The following KCNH1 variants were observed in gnomAD, a reference collection of about 807,000 sequenced individuals.
KCNH1 encodes the protein voltage-gated delayed rectifier potassium channel KCNH1.
In KCNH1, 27 loss-of-function variants were observed where a neutral mutation model predicts 69.2. That is an observed-to-expected ratio of 0.39 (90% CI 0.29 to 0.54). KCNH1 has a LOEUF of 0.54. KCNH1 is among the 20% of genes least tolerant of loss of function. KCNH1 has a pLI of 0.68. For missense variants in KCNH1, 798 were observed against 1,261.6 expected (o/e 0.63, Z 5.57); for synonymous variants, 456 against 487.7 (o/e 0.93, Z 0.86).
intron 10 of KCNH1, among the ~76,000 whole-genome samples, chr1:210,723,718 A>T (rs1682527059): frequency 6.6e-6 from 1 of 152,166 alleles, no homozygotes. Flanking sequence ...AAACATACCA[A>T]AAAACCCCAA....
intron 1 of KCNH1, among the ~76,000 whole-genome samples, chr1:211,107,698 C>T (rs1485463999): frequency 6.6e-6 from 1 of 152,134 alleles, no homozygotes; most frequent in East Asian, 1.9e-4. Context: ...AATTTTTCAT[C>T]CCAGTGAAGG....
At chr1:210,790,896 C>G (rs1173614694) in intron 9 of KCNH1, among the ~76,000 whole-genome samples, 2 of 152,216 alleles carry the variant, frequency 1.3e-5, no homozygotes, top group African/African-American at 4.8e-5. Flanking sequence ...CATAGACTAG[C>G]CCTGATACGC....
At chr1:210,909,653 C>T (rs1485408984) in intron 7 of KCNH1, among the ~76,000 whole-genome samples, 2 of 152,210 alleles carry the variant, frequency 1.3e-5, no homozygotes, top group Non-Finnish European at 2.9e-5. Context: ...ACTGTCTATG[C>T]TATACAATTT....
At chr1:210,862,370 C>T (rs975370516) in intron 7 of KCNH1, 20 of 638,252 alleles carry the variant, frequency 3.1e-5, no homozygotes, top group Middle Eastern at 2.6e-4. Flanking sequence ...CCTGCCGCAG[C>T]GGCAACTGGC....
At chr1:210,951,175 C>A (rs1688056401) in intron 6 of KCNH1, among the ~76,000 whole-genome samples, 1 of 152,166 alleles carries the variant, frequency 6.6e-6, no homozygotes, top group South Asian at 2.1e-4. Flanking sequence ...GGTGGACATG[C>A]TCTGTCCACA....
At chr1:210,738,552 C>CTTTTTTTTTTTTTTTTTTTTTTTTTTTTT (rs57669878) in intron 10 of KCNH1, among the ~76,000 whole-genome samples, 2 of 49,152 alleles carry the variant, frequency 4.1e-5, no homozygotes, top group African/African-American at 6.7e-5. Context: ...GGCTTTTTTG[C>CTTTTTTTTTTTTTTTTTTTTTTTTTTTTT]TTTTTTTTTT....
intron 4 of KCNH1, among the ~76,000 whole-genome samples, chr1:211,088,407 A>G (rs1318416426): frequency 6.6e-6 from 1 of 152,186 alleles, no homozygotes; most frequent in Non-Finnish European, 1.5e-5. Flanking sequence ...ACTTTCTAGG[A>G]TCTAGATTTG....
chr1:210,716,893 A>C (rs1682269518), intron 10 of KCNH1, among the ~76,000 whole-genome samples: 1 of 152,222 alleles, frequency 6.6e-6, no homozygotes, highest in South Asian at 2.1e-4. Context: ...TTCTAGCCCA[A>C]TGTTAGCAAC....
chr1:211,031,652 A>G (rs941328128), intron 5 of KCNH1, among the ~76,000 whole-genome samples: 1 of 152,230 alleles, frequency 6.6e-6, no homozygotes, highest in Non-Finnish European at 1.5e-5. Flanking sequence ...AGAACCAACG[A>G]CAAAAAACAC....
intron 5 of KCNH1, among the ~76,000 whole-genome samples, chr1:211,037,353 C>G (rs1689916623): frequency 6.6e-6 from 1 of 152,178 alleles, no homozygotes; most frequent in South Asian, 2.1e-4. Flanking sequence ...ATCATCACAT[C>G]TCATGCAATG....
At chr1:211,085,700 C>T (rs572805679) in intron 4 of KCNH1, among the ~76,000 whole-genome samples, 1 of 152,208 alleles carries the variant, frequency 6.6e-6, no homozygotes, top group South Asian at 2.1e-4. Context: ...GGGGTGACAG[C>T]TAATCAATGA....
intron 6 of KCNH1, among the ~76,000 whole-genome samples, chr1:210,930,890 CAAAAG>C (rs2102575470): frequency 6.6e-6 from 1 of 152,110 alleles, no homozygotes; most frequent in African/African-American, 2.4e-5. Context: ...AGACAATTCT[CAAAAG>C]AAAATATACA....
intron 10 of KCNH1, among the ~76,000 whole-genome samples, chr1:210,750,669 A>G (rs1683262477): frequency 6.6e-6 from 1 of 152,056 alleles, no homozygotes; most frequent in Non-Finnish European, 1.5e-5. Context: ...TTACAGGGGA[A>G]TCAAAAGATA....
intron 10 of KCNH1, among the ~76,000 whole-genome samples, chr1:210,712,383 A>AT (rs1236417915): frequency 6.6e-6 from 1 of 152,232 alleles, no homozygotes; most frequent in Non-Finnish European, 1.5e-5. Context: ...GGTACTTGAA[A>AT]TAAAAACTCC....
At chr1:210,960,374 T>A (rs1177292824) in intron 6 of KCNH1, among the ~76,000 whole-genome samples, 2 of 152,228 alleles carry the variant, frequency 1.3e-5, no homozygotes, top group African/African-American at 2.4e-5. Context: ...TGGCATTTCA[T>A]GACCACAAAA....
At chr1:210,975,947 A>C (rs1265747143) in intron 6 of KCNH1, among the ~76,000 whole-genome samples, 1 of 152,264 alleles carries the variant, frequency 6.6e-6, no homozygotes, top group Admixed American at 6.5e-5. Context: ...GAAGGATATG[A>C]ACAGACACTT....
intron 10 of KCNH1, among the ~76,000 whole-genome samples, chr1:210,695,862 CCAGT>C (rs150076734): frequency 6.6e-6 from 1 of 152,314 alleles, no homozygotes; most frequent in African/African-American, 2.4e-5. Flanking sequence ...TGGGCACTGG[CCAGT>C]CAGTTACCCA....
chr1:210,766,571 C>A (rs1281431674), intron 10 of KCNH1, among the ~76,000 whole-genome samples: 1 of 151,988 alleles, frequency 6.6e-6, no homozygotes, highest in Admixed American at 6.6e-5. Context: ...GTGATTGTTG[C>A]TAATTGGATT....
chr1:211,111,595 A>C (rs1452684064), intron 1 of KCNH1, among the ~76,000 whole-genome samples: 10 of 65,606 alleles, frequency 1.5e-4, no homozygotes, highest in African/African-American at 3.6e-4. Context: ...CAGCCACCTC[A>C]CTGTCTGGGA....
Sources: allele counts gnomAD v4.1 joint callset (sites outside exome capture counted in the v4.1 genomes callset), GRCh38; gene constraint gnomAD v4.1.1; transcripts MANE v1.5; gene names NCBI Gene and HGNC (gene_info 2026-07-23, HGNC 2026-07-21).